The following GRM8 variants were observed in gnomAD, a reference collection of about 807,000 sequenced individuals.
The protein encoded by GRM8 is metabotropic glutamate receptor 8.
In GRM8, 47 loss-of-function variants were observed where a neutral mutation model predicts 87.2. The observed-to-expected ratio is 0.54, with a 90% CI of 0.43 to 0.69. The LOEUF (loss-of-function observed/expected upper bound fraction) is 0.69. Ranked by LOEUF, GRM8 falls within the 30% of genes least tolerant of loss-of-function variation. The pLI is 0.00. For missense variants in GRM8, 1,019 were observed against 1,139.2 expected (o/e 0.89, Z 1.52); for synonymous variants, 396 against 404.5 (o/e 0.98, Z 0.25).
chr7:126,690,134 C>G (rs1335446236), intron 7 of GRM8, among the ~76,000 whole-genome samples: 1 of 152,216 alleles, frequency 6.6e-6, no homozygotes, highest in Non-Finnish European at 1.5e-5. Context: ...TGGAGTGTTG[C>G]TTTTCTGGCT....
intron 7 of GRM8, among the ~76,000 whole-genome samples, chr7:126,767,943 T>C (rs1009300611): frequency 1.3e-5 from 2 of 152,056 alleles, no homozygotes; most frequent in Non-Finnish European, 2.9e-5. Flanking sequence ...CTGAGCTATA[T>C]GTTGCCTTAT....
intron 7 of GRM8, among the ~76,000 whole-genome samples, chr7:126,765,437 T>A (rs978200848): frequency 1.3e-5 from 2 of 152,080 alleles, no homozygotes; most frequent in Non-Finnish European, 2.9e-5. Flanking sequence ...ATCAAACAAT[T>A]CAGATTAATA....
At chr7:126,575,480 A>C (rs937672471) in intron 8 of GRM8, among the ~76,000 whole-genome samples, 2 of 152,018 alleles carry the variant, frequency 1.3e-5, no homozygotes, top group Non-Finnish European at 2.9e-5. Flanking sequence ...TCCTGAAACC[A>C]TCCCTCTCAC....
intron 2 of GRM8, among the ~76,000 whole-genome samples, chr7:127,149,152 A>G (rs955741561): frequency 1.3e-5 from 2 of 151,930 alleles, no homozygotes; most frequent in Non-Finnish European, 2.9e-5. Context: ...ATAGATTGGG[A>G]AAAAAAATAC....
At chr7:126,665,040 A>C in intron 7 of GRM8, among the ~76,000 whole-genome samples, 1 of 152,326 alleles carries the variant, frequency 6.6e-6, no homozygotes, top group South Asian at 2.1e-4. Flanking sequence ...TCATCAGATA[A>C]ATGCAAATCA....
intron 3 of GRM8, among the ~76,000 whole-genome samples, chr7:126,917,025 G>C (rs1467612370): frequency 6.6e-6 from 1 of 152,204 alleles, no homozygotes; most frequent in Non-Finnish European, 1.5e-5. Context: ...AGAAAGGATA[G>C]TGAATAGATA....
At chr7:126,683,075 A>C (rs1036278976) in intron 7 of GRM8, among the ~76,000 whole-genome samples, 7 of 152,176 alleles carry the variant, frequency 4.6e-5, no homozygotes, top group African/African-American at 1.7e-4. Context: ...AACAAAAAAA[A>C]GTGTGTGACC....
chr7:126,777,444 G>A (rs986278173), intron 6 of GRM8, among the ~76,000 whole-genome samples: 2 of 151,984 alleles, frequency 1.3e-5, no homozygotes, highest in Non-Finnish European at 2.9e-5. Context: ...TGCCATTACC[G>A]CTATTCCTTC....
intron 8 of GRM8, among the ~76,000 whole-genome samples, chr7:126,572,414 T>G (rs1326929780): frequency 1.3e-5 from 2 of 152,168 alleles, no homozygotes; most frequent in Non-Finnish European, 2.9e-5. Flanking sequence ...TAGACATGAA[T>G]GTCTACATGA....
intron 7 of GRM8, among the ~76,000 whole-genome samples, chr7:126,618,157 T>C (rs925549273): frequency 1.3e-5 from 2 of 152,242 alleles, no homozygotes; most frequent in African/African-American, 4.8e-5. Flanking sequence ...CAAAACAGCA[T>C]GGTACTGGTA....
At chr7:127,141,660 G>C (rs1450349162) in intron 2 of GRM8, among the ~76,000 whole-genome samples, 3 of 152,060 alleles carry the variant, frequency 2.0e-5, no homozygotes, top group African/African-American at 4.8e-5. Flanking sequence ...TTTAGGTACA[G>C]ATACCTCAAA....
At chr7:127,131,378 G>A (rs981359721) in intron 2 of GRM8, among the ~76,000 whole-genome samples, 5 of 152,188 alleles carry the variant, frequency 3.3e-5, no homozygotes, top group African/African-American at 1.2e-4. Context: ...TAGACCAAGG[G>A]ACAGACAACA....
Position 126,681,919 on chromosome 7 carries a change from T to C in GRM8, c.1358-72421A>G, listed in dbSNP as rs116397041. Among the ~76,000 whole-genome samples, 1,049 of 152,348 alleles carry C rather than the reference T, an allele frequency of 6.9e-3. 17 individuals are homozygous for C. Among genetic ancestry groups the C allele is most frequent in the African/African-American group, 0.024 (991 of 41,584 alleles). On this transcript the variant is annotated intron_variant, in intron 7 of 10. Coordinates refer to ENST00000339582, the MANE Select transcript of GRM8 (RefSeq NM_000845.3). The stretch of plus-strand genomic sequence containing the variant: ...TACTGTATTTATTATTTACGGTTAA[T>C]TATCATGGGTAATTCCTCCTCCTTT...
intron 7 of GRM8, among the ~76,000 whole-genome samples, chr7:126,679,050 A>C (rs1807275532): frequency 6.6e-6 from 1 of 151,936 alleles, no homozygotes; most frequent in Non-Finnish European, 1.5e-5. Context: ...GCTTATTTCT[A>C]TTTTGCCACC....
chr7:127,049,957 G>A (rs1819307131), intron 3 of GRM8, among the ~76,000 whole-genome samples: 1 of 152,166 alleles, frequency 6.6e-6, no homozygotes, highest in African/African-American at 2.4e-5. Flanking sequence ...GCACAAGGTG[G>A]GTGCCACATA....
intron 6 of GRM8, among the ~76,000 whole-genome samples, chr7:126,795,185 T>G (rs2151687945): frequency 6.6e-6 from 1 of 152,224 alleles, no homozygotes; most frequent in South Asian, 2.1e-4. Flanking sequence ...ACTGGACAGT[T>G]GAGATTGAAA....
At chr7:127,116,802 C>T (rs975798367) in intron 2 of GRM8, among the ~76,000 whole-genome samples, 1 of 152,162 alleles carries the variant, frequency 6.6e-6, no homozygotes, top group South Asian at 2.1e-4. Context: ...AGAAAACTTG[C>T]CACAGGCTGA....
At chr7:126,832,054 AT>A (rs1795436193) in intron 6 of GRM8, among the ~76,000 whole-genome samples, 2 of 151,932 alleles carry the variant, frequency 1.3e-5, no homozygotes, top group Non-Finnish European at 2.9e-5. Flanking sequence ...ATCTTCAAGT[AT>A]TTATTGTGTA....
chr7:126,896,830 G>A (rs1228565139), intron 6 of GRM8, among the ~76,000 whole-genome samples: 1 of 152,146 alleles, frequency 6.6e-6, no homozygotes, highest in Non-Finnish European at 1.5e-5. Context: ...GCTGTATGCA[G>A]GCTAAGCAGC....
Sources: allele counts gnomAD v4.1 joint callset (sites outside exome capture counted in the v4.1 genomes callset), GRCh38; gene constraint gnomAD v4.1.1; transcripts MANE v1.5; gene names NCBI Gene and HGNC (gene_info 2026-07-23, HGNC 2026-07-21).